Variants in EVC2 observed in about 807,000 individuals in gnomAD.
EVC2 encodes the protein limbin.
In EVC2, 148 loss-of-function variants were observed where a neutral mutation model predicts 149.3. That is an observed-to-expected ratio of 0.99 (90% CI 0.87 to 1.14). The LOEUF (loss-of-function observed/expected upper bound fraction) is 1.14. Among genes scored for constraint, EVC2 ranks in the 50% most tolerant of loss-of-function variants. The pLI is 0.00. For synonymous variants in EVC2, 776 were observed against 649.9 expected, an observed-to-expected ratio of 1.19 and a Z score of -2.95; for missense variants, 1,854 against 1,627.3, an observed-to-expected ratio of 1.14 and a Z score of -2.40.
At chr4:5,545,970 C>T (rs537629869) in intron 21 of EVC2, among the ~76,000 whole-genome samples, 5 of 152,188 alleles carry the variant, frequency 3.3e-5, no homozygotes, top group African/African-American at 4.8e-5. Context: ...AAAATGCTCA[C>T]CATCACTGGC....
At chr4:5,580,947 G>A (rs144226004) in intron 17 of EVC2, among the ~76,000 whole-genome samples, 203 of 152,218 alleles carry the variant, frequency 1.3e-3, no homozygotes, top group African/African-American at 4.4e-3. Context: ...GTGAGATCTG[G>A]TTGTTTAAAA....
chr4:5,642,120 T>C (rs1717377363), intron 9 of EVC2, among the ~76,000 whole-genome samples: 1 of 152,232 alleles, frequency 6.6e-6, no homozygotes, highest in Admixed American at 6.5e-5. Flanking sequence ...AACTCATTAT[T>C]TTTTATGGCT....
In EVC2 at chr4:5,585,534, A is replaced by T. The variant is rs146906818; in HGVS notation, c.2830-684T>A. Among the ~76,000 whole-genome samples the T allele has an allele frequency of 3.9e-4, 60 of 152,286 alleles. No homozygotes were observed. The East Asian group carries it at 6.2e-3, about 16-fold the overall frequency. On this transcript the variant is annotated intron_variant, in intron 16 of 21. Coordinates refer to ENST00000344408, the MANE Select transcript of EVC2 (RefSeq NM_147127.5). Reference sequence around the variant, plus strand: ...TCTGCATGCCTACGCTTCTTCATCTATAAAGTGGAGAAAATAATTCCATCC... The same window carrying T: ...TCTGCATGCCTACGCTTCTTCATCTTTAAAGTGGAGAAAATAATTCCATCC...
chr4:5,574,623 A>G, intron 19 of EVC2, 62 bp downstream of exon 19: 1 of 1,521,766 alleles, frequency 6.6e-7, no homozygotes. Context: ...GTGGATTCTG[A>G]GAAAAAGATG....
chr4:5,663,055 G>T (rs1314799915), intron 9 of EVC2, 52 bp downstream of exon 9: 2 of 1,609,698 alleles, frequency 1.2e-6, no homozygotes, highest in African/African-American at 1.3e-5. Flanking sequence ...TGTCACTGTC[G>T]TTAAAACATT....
At chr4:5,595,111 C>T (rs752015700) in intron 16 of EVC2, among the ~76,000 whole-genome samples, 1 of 152,086 alleles carries the variant, frequency 6.6e-6, no homozygotes, top group Non-Finnish European at 1.5e-5. Flanking sequence ...GTGAACATGA[C>T]GGGGAGAATG....
chr4:5,709,266 G>C (rs896290834), upstream of EVC2: 1 of 152,300 alleles, frequency 6.6e-6, no homozygotes, highest in East Asian at 1.9e-4. Flanking sequence ...GACGCAGGAG[G>C]AGGAGGAGGA....
Position 5,696,070 on chromosome 4 carries a change from G to A in EVC2, c.283+1523C>T, listed in dbSNP as rs1335458582. On this transcript the variant is annotated intron_variant, in intron 2 of 21. Transcript: ENST00000344408. The surrounding 1 kb of genome is among the most constrained non-coding windows in gnomAD (Gnocchi z 4.1). ...CAAGTGGGTGCTCCACCAGGTGAGC[G>A]GCTGATTCAGAGCATCGGGAATGTC... is the stretch of plus-strand genomic sequence containing the variant. Among the ~76,000 whole-genome samples the A allele has an allele frequency of 2.0e-5, 3 of 152,144 alleles. No individual in the cohort carries two copies. The highest frequency in any genetic ancestry group is 4.8e-5 in the African/African-American group (2 of 41,436).
At position 5,694,558 on chromosome 4, in the gene EVC2, A is replaced by C. The variant is rs1355796874; in HGVS notation, c.284-57T>G. The C allele has an allele frequency of 6.9e-6, 11 of 1,603,662 alleles. No individual in the cohort carries two copies. The African/African-American group carries it at 1.5e-4, about 21-fold the overall frequency. Reference sequence around the variant, plus strand: ...ATGCGGAAAGACAGTAAGACATAGAACTTAACCTCTAGAGACAGACTACAG... The same window carrying C: ...ATGCGGAAAGACAGTAAGACATAGACCTTAACCTCTAGAGACAGACTACAG... On this transcript the variant is annotated intron_variant, in intron 2 of 21. Transcript: ENST00000344408.
intron 16 of EVC2, among the ~76,000 whole-genome samples, chr4:5,596,105 C>A (rs1472989718): frequency 4.6e-5 from 7 of 152,130 alleles, no homozygotes; most frequent in African/African-American, 1.7e-4. Context: ...CTTAGACTCC[C>A]ACACAATAAC....
chr4:5,534,057 G>C, the EVC2 span, among the ~76,000 whole-genome samples: 1 of 152,156 alleles, frequency 6.6e-6, no homozygotes, highest in South Asian at 2.1e-4. Flanking sequence ...TCTTAAGAGC[G>C]ATGAGGAGGC....
chr4:5,702,815 G>A (rs1721907195), intron 1 of EVC2, among the ~76,000 whole-genome samples: 1 of 152,134 alleles, frequency 6.6e-6, no homozygotes, highest in African/African-American at 2.4e-5. Flanking sequence ...GACAAGTCTG[G>A]GTGGACATCT....
At position 5,562,803 on chromosome 4, in the gene EVC2, T is replaced by G. The variant is rs781697445; in HGVS notation, c.*45A>C. Reference sequence around the variant, plus strand: ...ACAAACACCGGCGGGCAGGAGAAAATCATCCCTTCTCTCTTCAGATGCTCC... The same window carrying G: ...ACAAACACCGGCGGGCAGGAGAAAAGCATCCCTTCTCTCTTCAGATGCTCC... On this transcript the variant is annotated 3_prime_UTR_variant, in exon 22 of 22. Coordinates refer to ENST00000344408, the MANE Select transcript of EVC2 (RefSeq NM_147127.5). This position sits in a 1 kb window ranked among gnomAD's most constrained non-coding sequence, Gnocchi z 4.3. 4.2e-5 allele frequency: 68 copies of G among 1,611,126 alleles called. No individual in the cohort carries two copies. Among genetic ancestry groups the G allele is most frequent in the Non-Finnish European group, 5.8e-5 (68 of 1,180,010 alleles).
At chr4:5,680,078 G>C (rs1473683418) in intron 7 of EVC2, among the ~76,000 whole-genome samples, 1 of 152,076 alleles carries the variant, frequency 6.6e-6, no homozygotes, top group East Asian at 1.9e-4. Flanking sequence ...CCACTGGAAG[G>C]TCTTCAGAGG....
At chr4:5,684,550 G>T (rs1720562944) in intron 6 of EVC2, among the ~76,000 whole-genome samples, 2 of 136,306 alleles carry the variant, frequency 1.5e-5, no homozygotes, top group Non-Finnish European at 3.2e-5. Context: ...TGAAGTCGGG[G>T]ACCACATCTC....
intron 16 of EVC2, among the ~76,000 whole-genome samples, chr4:5,606,816 A>G (rs1714427482): frequency 6.6e-6 from 1 of 152,182 alleles, no homozygotes. Flanking sequence ...TAAAACATTA[A>G]TGGAATCAAC....
At chr4:5,529,713 G>A in the EVC2 span, among the ~76,000 whole-genome samples, 26 of 151,612 alleles carry the variant, frequency 1.7e-4, no homozygotes, top group South Asian at 5.2e-3. The surrounding 1 kb of genome is among the most constrained non-coding windows in gnomAD (Gnocchi z 4.5). Context: ...CTATGTTTTT[G>A]AATAAAAAAT....
chr4:5,650,628 T>TAGAGAG (rs1239090686), intron 9 of EVC2, among the ~76,000 whole-genome samples: 6 of 77,354 alleles, frequency 7.8e-5, no homozygotes, highest in Non-Finnish European at 1.1e-4. Context: ...TATATATATA[T>TAGAGAG]ATATATATAT....
chr4:5,553,429 G>C (rs1329724611), intron 21 of EVC2, among the ~76,000 whole-genome samples: 1 of 152,082 alleles, frequency 6.6e-6, no homozygotes, highest in African/African-American at 2.4e-5. Flanking sequence ...GGTGCACATG[G>C]ACCCAAACCA....
Sources: gnomAD v4.1 joint callset for allele counts (sites outside exome capture counted in the v4.1 genomes callset) on GRCh38, gnomAD v4.1.1 for gene constraint, Gnocchi (gnomAD v3.1) non-coding constraint, MANE v1.5 for transcripts, NCBI Gene and HGNC (gene_info 2026-07-23, HGNC 2026-07-21) for gene names.